DPP6: variants seen among roughly 807,000 people sequenced by gnomAD.
The protein encoded by DPP6 is dipeptidyl peptidase like 6, also known as A-type potassium channel modulatory protein DPP6.
A neutral mutation model predicts 122.6 loss-of-function variants in DPP6; 69 were observed. The ratio of observed to expected loss-of-function variants is 0.56; its 90% CI spans 0.46 to 0.69. DPP6 has a LOEUF of 0.69. Among genes scored for constraint, DPP6 ranks in the 30% least tolerant of loss-of-function variants. The probability of loss-of-function intolerance (pLI) is 0.00; values close to 1 mark genes in which losing one functional copy is unlikely to be tolerated. For synonymous variants in DPP6, 418 were observed against 433.1 expected (o/e 0.97, Z 0.43); for missense variants, 928 against 1,116.9 (o/e 0.83, Z 2.41).
chr7:154,619,086 T>C (rs1834463251), intron 5 of DPP6, among the ~76,000 whole-genome samples: 1 of 152,212 alleles, frequency 6.6e-6, no homozygotes, highest in South Asian at 2.1e-4. Context: ...TTGCTCCTCA[T>C]TTGCCTTCAG....
chr7:154,618,304 C>G lies in DPP6; in HGVS notation c.628-19517C>G, dbSNP rs1286407882. Among the ~76,000 whole-genome samples, 1 of 152,130 alleles carries G rather than the reference C, an allele frequency of 6.6e-6. No homozygotes were observed. The highest frequency in any genetic ancestry group is 1.5e-5 in the Non-Finnish European group (1 of 68,030). On this transcript the variant is annotated intron_variant, in intron 5 of 25. Transcript: ENST00000377770. This position sits in a 1 kb window ranked among gnomAD's most constrained non-coding sequence, Gnocchi z 4.1. ...CTGAGGAAGCTCAGCAGAGATGCTT[C>G]AGGATGAGATTAGGCTCACTGAGCG...
intron 1 of DPP6, among the ~76,000 whole-genome samples, chr7:153,913,279 C>T (rs1459203941): frequency 6.6e-6 from 1 of 152,134 alleles, no homozygotes; most frequent in Non-Finnish European, 1.5e-5. Flanking sequence ...ATCACCATGT[C>T]AGCCAGCAGG....
At chr7:154,495,597 C>T (rs1824666537) in intron 3 of DPP6, among the ~76,000 whole-genome samples, 1 of 152,066 alleles carries the variant, frequency 6.6e-6, no homozygotes, top group South Asian at 2.1e-4. Context: ...CCCATGTTGG[C>T]CAGGCTGGTC....
intron 1 of DPP6, among the ~76,000 whole-genome samples, chr7:154,114,736 C>T (rs1181689934): frequency 2.6e-5 from 4 of 152,186 alleles, no homozygotes; most frequent in African/African-American, 7.2e-5. Context: ...CTCAGTCAAC[C>T]GATCATAGAG....
Position 154,326,254 on chromosome 7 carries a change from G to A in DPP6, c.244-119960G>A, listed in dbSNP as rs556139446. Among the ~76,000 whole-genome samples the A allele has an allele frequency of 2.0e-5, 3 of 152,212 alleles. No individual in the cohort carries two copies. The East Asian group carries it at 5.8e-4, about 29-fold the overall frequency. On this transcript the variant is annotated intron_variant, in intron 1 of 25. Transcript: ENST00000377770. ...TGTGCCTAAGGTCTGTGGCATACAAGCCTTGGGTTCTGTTTATGGGGATGT... is the reference window on the plus strand; with the variant it reads ...TGTGCCTAAGGTCTGTGGCATACAAACCTTGGGTTCTGTTTATGGGGATGT...
chr7:154,818,183 C>A (rs1258575374), intron 16 of DPP6, among the ~76,000 whole-genome samples: 1 of 152,104 alleles, frequency 6.6e-6, no homozygotes, highest in Non-Finnish European at 1.5e-5. Context: ...GAGAAAAGGG[C>A]ATGCATGAAG....
chr7:154,453,701 A>G (rs976522321), intron 2 of DPP6, among the ~76,000 whole-genome samples: 1 of 152,124 alleles, frequency 6.6e-6, no homozygotes, highest in Admixed American at 6.6e-5. Context: ...CCTTCCTATC[A>G]TTAATCCTCT....
chr7:154,143,222 AAGAC>A (rs1376376007), intron 1 of DPP6, among the ~76,000 whole-genome samples: 5 of 152,204 alleles, frequency 3.3e-5, no homozygotes, highest in African/African-American at 1.2e-4. Context: ...AAAGGCAACA[AAGAC>A]AGAGTGTTTT....
chr7:154,441,647 C>G (rs1020637171), intron 1 of DPP6, among the ~76,000 whole-genome samples: 1 of 152,152 alleles, frequency 6.6e-6, no homozygotes, highest in Non-Finnish European at 1.5e-5. Context: ...GAGGAGAGAA[C>G]AGGGATGCAT....
At chr7:153,831,722 A>G in the DPP6 span, among the ~76,000 whole-genome samples, 3 of 152,324 alleles carry the variant, frequency 2.0e-5, no homozygotes, top group African/African-American at 7.2e-5. Context: ...GAAAAGCATA[A>G]ATACCATTCT....
At chr7:154,056,751 C>G (rs1420020110) in intron 1 of DPP6, among the ~76,000 whole-genome samples, 1 of 152,180 alleles carries the variant, frequency 6.6e-6, no homozygotes, top group East Asian at 1.9e-4. Context: ...TTTTCCTCCA[C>G]CTTGGTTTTT....
At chr7:153,986,962 A>G (rs2129040349) in intron 1 of DPP6, among the ~76,000 whole-genome samples, 1 of 152,276 alleles carries the variant, frequency 6.6e-6, no homozygotes, top group South Asian at 2.1e-4. Context: ...AAAAGAGGCT[A>G]CTTATAAAAT....
intron 16 of DPP6, among the ~76,000 whole-genome samples, chr7:154,843,226 C>T (rs550271313): frequency 2.0e-5 from 3 of 152,274 alleles, no homozygotes; most frequent in South Asian, 2.1e-4. Flanking sequence ...CACTTGAGCC[C>T]GGGAAGTAGA....
At chr7:154,471,930 T>C (rs767268011) in intron 2 of DPP6, among the ~76,000 whole-genome samples, 15 of 152,178 alleles carry the variant, frequency 9.9e-5, no homozygotes, top group Non-Finnish European at 2.1e-4. Context: ...CTTAGTTGGG[T>C]AATAGAACAG....
chr7:154,210,417 T>G (rs1362563833), intron 1 of DPP6, among the ~76,000 whole-genome samples: 2 of 152,202 alleles, frequency 1.3e-5, no homozygotes, highest in Non-Finnish European at 2.9e-5. Context: ...AGTGCCAGCT[T>G]TTCTTCTTAC....
chr7:153,900,919 T>G (rs1416365015), intron 1 of DPP6, among the ~76,000 whole-genome samples: 3 of 152,326 alleles, frequency 2.0e-5, no homozygotes, highest in Admixed American at 1.3e-4. Context: ...GTAGAGCATT[T>G]CCATGGGTAG....
At chr7:154,416,433 G>GAA in intron 1 of DPP6, among the ~76,000 whole-genome samples, 1 of 152,128 alleles carries the variant, frequency 6.6e-6, no homozygotes, top group South Asian at 2.1e-4. Context: ...TACAGTACAG[G>GAA]AAGATATTTT....
At chr7:153,958,844 C>T (rs1795201038) in intron 1 of DPP6, among the ~76,000 whole-genome samples, 1 of 151,834 alleles carries the variant, frequency 6.6e-6, no homozygotes, top group Non-Finnish European at 1.5e-5. Context: ...GGCCTCAGCT[C>T]AGCACCTGCG....
chr7:154,574,391 ATG>A (rs1490699810), intron 5 of DPP6, among the ~76,000 whole-genome samples: 4 of 108,948 alleles, frequency 3.7e-5, no homozygotes, highest in African/African-American at 1.5e-4. Context: ...TGGTGTGTGT[ATG>A]TGTGTGGTGT....
Sources: allele counts gnomAD v4.1 joint callset (sites outside exome capture counted in the v4.1 genomes callset), GRCh38; gene constraint gnomAD v4.1.1; non-coding constraint Gnocchi (gnomAD v3.1); transcripts MANE v1.5; gene names NCBI Gene and HGNC (gene_info 2026-07-23, HGNC 2026-07-21).